PRKG1: variants seen among roughly 807,000 people sequenced by gnomAD.
PRKG1 encodes protein kinase cGMP-dependent 1, also known as cGMP-dependent protein kinase 1.
PRKG1 carries 35 observed loss-of-function variants against 88.1 expected under a neutral mutation model. The observed-to-expected ratio is 0.40, with a 90% CI of 0.30 to 0.53. The LOEUF is 0.53. Among genes scored for constraint, PRKG1 ranks in the 20% least tolerant of loss-of-function variants. The pLI is 0.59. For synonymous variants in PRKG1, 303 were observed against 292.5 expected (o/e 1.04, Z -0.37); for missense variants, 540 against 839.8 (o/e 0.64, Z 4.41).
chr10:51,695,959 T>C (rs769401327), intron 3 of PRKG1: 3 of 152,226 alleles, frequency 2.0e-5, no homozygotes, highest in Non-Finnish European at 4.4e-5. Flanking sequence ...CTACTTGTTT[T>C]ATGATACCAA....
At chr10:51,498,755 G>A (rs570059219) in intron 3 of PRKG1, among the ~76,000 whole-genome samples, 1 of 152,104 alleles carries the variant, frequency 6.6e-6, no homozygotes, top group Non-Finnish European at 1.5e-5. Flanking sequence ...CACTAAATCC[G>A]AATGTACTGA....
intron 7 of PRKG1, among the ~76,000 whole-genome samples, chr10:52,075,080 G>T (rs557578574): frequency 6.6e-6 from 1 of 152,150 alleles, no homozygotes; most frequent in South Asian, 2.1e-4. Flanking sequence ...AACTTTTCCT[G>T]GGCCATTTCG....
In PRKG1 at chr10:51,081,333, G is replaced by A. The variant is rs116710625; in HGVS notation, c.311+6432G>A. 2.5e-3 allele frequency among the ~76,000 whole-genome samples: 378 copies of A among 152,322 alleles called. 6 individuals carry two copies. Among genetic ancestry groups the A allele is most frequent in the African/African-American group, 8.6e-3 (358 of 41,564 alleles). ...CAAGGAAGTTGGAAAATAGTGATAG[G>A]CTTTGTGTGCAAGTAAATAGGTGAC... On this transcript the variant is annotated intron_variant, in intron 1 of 17. Coordinates refer to ENST00000373980, the MANE Select transcript of PRKG1 (RefSeq NM_006258.4).
At chr10:51,930,604 C>T (rs148158477) in intron 5 of PRKG1, among the ~76,000 whole-genome samples, 2 of 148,396 alleles carry the variant, frequency 1.3e-5, no homozygotes, top group African/African-American at 5.0e-5. Flanking sequence ...GATTCTCGTG[C>T]CTCAGCCTCC....
chr10:51,548,705 T>C (rs1289797230), intron 3 of PRKG1, among the ~76,000 whole-genome samples: 1 of 152,166 alleles, frequency 6.6e-6, no homozygotes, highest in East Asian at 1.9e-4. Flanking sequence ...ATGGAGGCAT[T>C]TGAGTTATCA....
intron 4 of PRKG1, among the ~76,000 whole-genome samples, chr10:51,880,106 A>G (rs988682780): frequency 6.6e-6 from 1 of 152,242 alleles, no homozygotes; most frequent in African/African-American, 2.4e-5. Context: ...CGTTTGCACA[A>G]GAAAATTTTA....
chr10:51,269,130 C>T (rs1417431829), intron 2 of PRKG1, among the ~76,000 whole-genome samples: 1 of 152,118 alleles, frequency 6.6e-6, no homozygotes, highest in Non-Finnish European at 1.5e-5. Context: ...TCCTCAACAT[C>T]ACTAATTATC....
chr10:51,841,713 C>T (rs1203847001), intron 4 of PRKG1, among the ~76,000 whole-genome samples: 3 of 151,944 alleles, frequency 2.0e-5, no homozygotes, highest in Non-Finnish European at 4.4e-5. Context: ...TACAGAGTCT[C>T]GCTCTGTCAC....
intron 2 of PRKG1, among the ~76,000 whole-genome samples, chr10:51,361,621 A>G (rs907115110): frequency 1.3e-5 from 2 of 151,874 alleles, no homozygotes; most frequent in African/African-American, 2.4e-5. Context: ...GTTAACAGTT[A>G]TCTAGGTTAA....
chr10:51,445,264 A>G (rs773137525), intron 2 of PRKG1, among the ~76,000 whole-genome samples: 7 of 152,010 alleles, frequency 4.6e-5, no homozygotes, highest in Non-Finnish European at 1.0e-4. Context: ...GTTGTTCATC[A>G]TTATAATAAT....
At chr10:52,287,579 C>T (rs956474140) in intron 14 of PRKG1, among the ~76,000 whole-genome samples, 1 of 151,782 alleles carries the variant, frequency 6.6e-6, no homozygotes, top group South Asian at 2.1e-4. Context: ...AGAAATCATT[C>T]GTCAAGGTGT....
chr10:52,210,941 G>A (rs961609739), intron 9 of PRKG1, among the ~76,000 whole-genome samples: 2 of 152,152 alleles, frequency 1.3e-5, no homozygotes, highest in Admixed American at 1.3e-4. Context: ...TCAGGTTTAA[G>A]TTTTAATTTT....
At chr10:51,530,404 T>C (rs532740339) in intron 3 of PRKG1, among the ~76,000 whole-genome samples, 1 of 152,324 alleles carries the variant, frequency 6.6e-6, no homozygotes, top group South Asian at 2.1e-4. Flanking sequence ...AATAGTGTTC[T>C]GCAACTCTCG....
At chr10:51,993,209 T>A (rs1844355807) in intron 5 of PRKG1, among the ~76,000 whole-genome samples, 1 of 152,168 alleles carries the variant, frequency 6.6e-6, no homozygotes. Flanking sequence ...ATTTTTAAAT[T>A]TTCTCATTAT....
At chr10:52,097,923 A>G (rs1239978748) in intron 7 of PRKG1, among the ~76,000 whole-genome samples, 1 of 152,076 alleles carries the variant, frequency 6.6e-6, no homozygotes, top group African/African-American at 2.4e-5. Context: ...GAGATTGTAA[A>G]CCATAAAACT....
At chr10:51,936,723 T>G (rs11593309) in intron 5 of PRKG1, among the ~76,000 whole-genome samples, 15,276 of 151,118 alleles carry the variant, frequency 0.1, 876 homozygotes, top group South Asian at 0.24. Context: ...AAAAACAATT[T>G]TTTTAAAAAT....
upstream of PRKG1, among the ~76,000 whole-genome samples, chr10:51,072,397 G>T (rs1361992324): frequency 6.6e-6 from 1 of 152,054 alleles, no homozygotes; most frequent in Non-Finnish European, 1.5e-5. Context: ...TGGAAATAAA[G>T]AATTCCCACA....
chr10:51,440,825 G>C (rs1396435868), intron 2 of PRKG1, among the ~76,000 whole-genome samples: 1 of 151,904 alleles, frequency 6.6e-6, no homozygotes, highest in East Asian at 1.9e-4. Context: ...GGTGCTTAAA[G>C]AAGTTACGAG....
At chr10:52,195,511 T>C (rs989907427) in intron 9 of PRKG1, among the ~76,000 whole-genome samples, 3 of 152,158 alleles carry the variant, frequency 2.0e-5, no homozygotes, top group African/African-American at 7.2e-5. Context: ...TTTCAACCTA[T>C]AAATACAGAT....
Sources: gnomAD v4.1 joint callset for allele counts (sites outside exome capture counted in the v4.1 genomes callset) on GRCh38, gnomAD v4.1.1 for gene constraint, MANE v1.5 for transcripts, NCBI Gene and HGNC (gene_info 2026-07-23, HGNC 2026-07-21) for gene names.